Variants in HPS4 observed in about 807,000 individuals in gnomAD.
HPS4 encodes HPS4 biogenesis of lysosomal organelles complex 3 subunit 2, also known as BLOC-3 complex member HPS4.
A neutral mutation model predicts 70.3 loss-of-function variants in HPS4; 44 were observed. The ratio of observed to expected loss-of-function variants is 0.63; its 90% CI spans 0.49 to 0.80. HPS4 has a LOEUF of 0.80. HPS4 is among the 30% of genes least tolerant of loss of function. HPS4 has a pLI of 0.00. For missense variants in HPS4, 873 were observed against 884.4 expected, an observed-to-expected ratio of 0.99 and a Z score of 0.16; for synonymous variants, 377 against 355.9, an observed-to-expected ratio of 1.06 and a Z score of -0.67.
intron 6 of HPS4, chr22:26,471,333 G>A (rs905266869): frequency 2.9e-5 from 13 of 455,318 alleles, no homozygotes; most frequent in African/African-American, 1.2e-4. Flanking sequence ...TCTTTCACTC[G>A]GGGAAATATG....
At chr22:26,457,043 T>C (rs1159329828) in intron 13 of HPS4, among the ~76,000 whole-genome samples, 2 of 151,994 alleles carry the variant, frequency 1.3e-5, no homozygotes, top group African/African-American at 2.4e-5. Flanking sequence ...AAAAATACAA[T>C]TTATATGTGC....
chr22:26,449,071 G>A (rs1273796830), downstream of HPS4, among the ~76,000 whole-genome samples: 4 of 152,064 alleles, frequency 2.6e-5, no homozygotes, highest in Admixed American at 6.6e-5. Context: ...TGCTCACTCC[G>A]TCCGCCAGCT....
At chr22:26,448,488 C>G (rs894924574), downstream of HPS4, among the ~76,000 whole-genome samples, 1 of 152,236 alleles carries the variant, frequency 6.6e-6, no homozygotes, top group African/African-American at 2.4e-5. Context: ...ACAGCACACT[C>G]GGTAGAGGAC....
Position 26,464,356 on chromosome 22 carries a change from A to C in HPS4, c.1274T>G (p.Leu425Trp), listed in dbSNP as rs1300943955. 1.9e-6 allele frequency: 3 copies of C among 1,614,014 alleles called. No homozygotes were observed. In the Admixed American group the frequency reaches 5.0e-5, roughly 27 times the overall value. The change falls in exon 11 of 14, where the codon TTG becomes TGG. Residue 425 changes from leucine to tryptophan, a missense_variant. Physicochemically the swap from Leu to Trp is moderately conservative, Grantham distance 61. Transcript: ENST00000398145. ...TPPEDTAISS[L>W]RPPSAPEMLT... ...CATCTCAGGAGCAGAGGGAGGGCGC[A>C]AGCTGCTGATGGCTGTGTCCTCAGG...
At chr22:26,471,558 T>G (rs549565084) in intron 6 of HPS4, among the ~76,000 whole-genome samples, 1 of 152,214 alleles carries the variant, frequency 6.6e-6, no homozygotes, top group Admixed American at 6.5e-5. Flanking sequence ...TTATTCTTCA[T>G]AGCCTCAAGA....
At chr22:26,477,922 A>T (rs1361996778) in intron 3 of HPS4, among the ~76,000 whole-genome samples, 1 of 152,194 alleles carries the variant, frequency 6.6e-6, no homozygotes, top group Non-Finnish European at 1.5e-5. Context: ...GACTGTTATT[A>T]AAAGGACTTA....
chr22:26,483,802 C>A (rs1602166936), upstream of HPS4: 4 of 1,080,146 alleles, frequency 3.7e-6, no homozygotes, highest in Non-Finnish European at 4.8e-6. Flanking sequence ...TCACGCGCCG[C>A]CCCGCCTACC....
chr22:26,468,388 T>A (rs1009827877), intron 8 of HPS4, 163 bp downstream of exon 8: 4 of 682,620 alleles, frequency 5.9e-6, no homozygotes, highest in Admixed American at 2.2e-5. Flanking sequence ...GCCTCACCAA[T>A]GGCTTCACTA....
chr22:26,468,721 T>G, intron 7 of HPS4, 98 bp from the exon 8 acceptor site: 1 of 1,117,586 alleles, frequency 8.9e-7, no homozygotes, highest in Non-Finnish European at 1.3e-6. Flanking sequence ...GACGAGGATC[T>G]TGGGGACTTG....
chr22:26,479,386 C>G (rs1262854315), intron 2 of HPS4, 31 bp from the exon 3 acceptor site: 1 of 1,611,602 alleles, frequency 6.2e-7, no homozygotes, highest in Non-Finnish European at 8.5e-7. Flanking sequence ...AGCCATGTTT[C>G]CTTTAATCCA....
At chr22:26,465,210 A>T (rs1453923844) in intron 10 of HPS4, among the ~76,000 whole-genome samples, 5 of 152,206 alleles carry the variant, frequency 3.3e-5, no homozygotes, top group South Asian at 4.1e-4. Context: ...CAGGCAGGGA[A>T]TGGACTTGCC....
intron 7 of HPS4, among the ~76,000 whole-genome samples, chr22:26,469,702 G>GA (rs989441973): frequency 2.2e-4 from 12 of 55,288 alleles, no homozygotes; most frequent in South Asian, 8.7e-4. Context: ...AAAAAAAAAA[G>GA]AAAAAAAAAT....
downstream of HPS4, among the ~76,000 whole-genome samples, chr22:26,449,302 C>A (rs2146176912): frequency 6.6e-6 from 1 of 151,322 alleles, no homozygotes; most frequent in South Asian, 2.1e-4. Context: ...TCATGAGAAC[C>A]AGCTCCAGTC....
chr22:26,475,263 G>C (rs913742902), intron 4 of HPS4: 1 of 151,626 alleles, frequency 6.6e-6, no homozygotes, highest in East Asian at 1.9e-4. Context: ...GCTGATAGAT[G>C]CAACAACATG....
chr22:26,453,613 T>C, intron 13 of HPS4: 1 of 623,114 alleles, frequency 1.6e-6, no homozygotes, highest in South Asian at 1.8e-5. Context: ...CACTAGATGC[T>C]GGAAGAGTCC....
rs200772835 is a variant in HPS4, at chr22:26,452,349, A to G, written c.*884T>C. On this transcript the variant is annotated 3_prime_UTR_variant, in exon 14 of 14. Transcript: ENST00000398145. The stretch of plus-strand genomic sequence containing the variant: ...TAATAGAACTGAGGTTCTAAGTACC[A>G]CACAAGCCCAGGAACACACAGCTGA... 28 of 456,656 alleles carry G rather than the reference A, an allele frequency of 6.1e-5. No individual in the cohort carries two copies. The highest frequency in any genetic ancestry group is 4.3e-4 in the South Asian group (28 of 64,558). 28.3% of individuals were successfully genotyped at this position (456,656 alleles called of 1,614,324 possible).
At chr22:26,480,257 A>T (rs376045253) in intron 2 of HPS4, among the ~76,000 whole-genome samples, 3 of 152,104 alleles carry the variant, frequency 2.0e-5, no homozygotes, top group East Asian at 3.9e-4. Flanking sequence ...GTGCAAACTC[A>T]ATCTCCCAGG....
chr22:26,467,647 C>T (rs979218551), intron 8 of HPS4: 3 of 152,210 alleles, frequency 2.0e-5, no homozygotes, highest in Non-Finnish European at 4.4e-5. Flanking sequence ...GCCCTACCAG[C>T]ATTTTACATG....
In HPS4 at chr22:26,464,028, G is replaced by A. The variant is rs760527580; in HGVS notation, c.1602C>T (p.Ser534=). Residue 534 remains serine, a synonymous_variant, in exon 11 of 14, where the codon TCC becomes TCT. Coordinates refer to ENST00000398145, the MANE Select transcript of HPS4 (RefSeq NM_022081.6). ...GATTCATCCTCACGAGCCCCATGCAGGACTCTGCTGGTGTCAGCCTGGAGC... is the reference window on the plus strand; with the variant it reads ...GATTCATCCTCACGAGCCCCATGCAAGACTCTGCTGGTGTCAGCCTGGAGC... The part of the protein sequence containing the change: ...GISSRLTPAE[S]CMGLVRMNLY... 5 of 1,614,260 alleles carry A rather than the reference G, an allele frequency of 3.1e-6. No individual in the cohort carries two copies. Among genetic ancestry groups the A allele is most frequent in the Non-Finnish European group, 4.2e-6 (5 of 1,180,048 alleles).
Sources: allele counts gnomAD v4.1 joint callset (sites outside exome capture counted in the v4.1 genomes callset), GRCh38; gene constraint gnomAD v4.1.1; transcripts MANE v1.5; gene names NCBI Gene and HGNC (gene_info 2026-07-23, HGNC 2026-07-21).